The following CREBBP variants were observed in gnomAD, a reference collection of about 807,000 sequenced individuals.
CREBBP encodes CREB-binding protein.
CREBBP carries 19 observed loss-of-function variants against 265.0 expected under a neutral mutation model. That is an observed-to-expected ratio of 0.07 (90% CI 0.05 to 0.11). The LOEUF (loss-of-function observed/expected upper bound fraction) is 0.11, where lower values mean the gene tolerates loss of function less well. CREBBP is among the 10% of genes least tolerant of loss of function. CREBBP has a pLI of 1.00. For synonymous variants in CREBBP, 1,457 were observed against 1,223.7 expected, an observed-to-expected ratio of 1.19 and a Z score of -3.98; for missense variants, 2,525 against 3,219.0, an observed-to-expected ratio of 0.78 and a Z score of 5.22.
rs541938737 is a variant in CREBBP at position 3,778,895 on chromosome 16, G to A, written c.1824-78C>T. The A allele has an allele frequency of 2.1e-5, 26 of 1,228,996 alleles. 1 individual carries two copies. The highest frequency in any genetic ancestry group is 1.4e-4 in the South Asian group (12 of 83,100). 76.1% of individuals were successfully genotyped at this position (1,228,996 alleles called of 1,614,324 possible). A position where few individuals can be genotyped will look rare whatever the true frequency, so the allele number is the denominator to read the frequency against. On this transcript the variant is annotated intron_variant, in intron 8 of 30. Coordinates refer to ENST00000262367, the MANE Select transcript of CREBBP (RefSeq NM_004380.3). ...AAGACATGGGGTTTCGTCCAGGCGC[G>A]GTGGCTCACGCTTGTAATCCCAGCA...
At chr16:3,762,121 A>T (rs2052733579) in intron 16 of CREBBP, among the ~76,000 whole-genome samples, 2 of 152,148 alleles carry the variant, frequency 1.3e-5, no homozygotes, top group Admixed American at 1.3e-4. Context: ...TTTATATAGG[A>T]TCTGTAGCTG....
intron 23 of CREBBP, chr16:3,741,249 T>C (rs1484651885): frequency 6.4e-6 from 1 of 157,336 alleles, no homozygotes; most frequent in Admixed American, 6.0e-5. Context: ...ACGCCTCATA[T>C]ACAGGTTAAA....
At chr16:3,869,794 C>G (rs1291871769) in intron 1 of CREBBP, among the ~76,000 whole-genome samples, 2 of 152,168 alleles carry the variant, frequency 1.3e-5, no homozygotes, top group Non-Finnish European at 2.9e-5. Context: ...AAGGAAACAT[C>G]TCAATTCACC....
At chr16:3,827,539 C>G (rs1377101776) in intron 2 of CREBBP, among the ~76,000 whole-genome samples, 3 of 151,708 alleles carry the variant, frequency 2.0e-5, no homozygotes, top group Non-Finnish European at 4.4e-5. Context: ...CTACAGGCGC[C>G]CGCCACCACG....
intron 2 of CREBBP, among the ~76,000 whole-genome samples, chr16:3,827,061 T>G (rs2054251096): frequency 6.6e-6 from 1 of 152,174 alleles, no homozygotes; most frequent in Admixed American, 6.5e-5. Context: ...AAGTTGAGGC[T>G]TGAGGATCGC....
In CREBBP at chr16:3,729,254, G is replaced by C. The variant is rs1437916275; in HGVS notation, c.5793C>G (p.Thr1931=). The change falls in exon 31 of 31, where the codon ACC becomes ACG. Residue 1931 remains threonine, a synonymous_variant. Coordinates refer to ENST00000262367, the MANE Select transcript of CREBBP (RefSeq NM_004380.3). ...TGGTAGGCTTCCCTGTGGACACCGTGGTGGGGGGCTGAGTCCGGGCCACGC... is the reference window on the plus strand; with the variant it reads ...TGGTAGGCTTCCCTGTGGACACCGTCGTGGGGGGCTGAGTCCGGGCCACGC... The part of the protein sequence containing the change: ...FPSVARTQPP[T]TVSTGKPTSQ... The C allele has an allele frequency of 6.5e-7, 1 of 1,529,154 alleles. No individual in the cohort carries two copies. Among genetic ancestry groups the C allele is most frequent in the Non-Finnish European group, 8.8e-7 (1 of 1,142,776 alleles). The allele number at this position is 1,529,154 out of a possible 1,614,324, so 94.7% of individuals were successfully genotyped here. A position where few individuals can be genotyped will look rare whatever the true frequency, so the allele number is the denominator to read the frequency against.
intron 3 of CREBBP, among the ~76,000 whole-genome samples, chr16:3,804,685 C>T (rs2053793659): frequency 6.6e-6 from 1 of 152,228 alleles, no homozygotes; most frequent in Non-Finnish European, 1.5e-5. Flanking sequence ...GAAATGCCTG[C>T]TATCCTCATT....
At chr16:3,863,931 G>A (rs1334497256) in intron 1 of CREBBP, among the ~76,000 whole-genome samples, 1 of 152,186 alleles carries the variant, frequency 6.6e-6, no homozygotes, top group African/African-American at 2.4e-5. Flanking sequence ...AAAACGGGTT[G>A]TTTACCACCA....
chr16:3,768,390 A>C (rs997218048), intron 15 of CREBBP, among the ~76,000 whole-genome samples: 3 of 151,656 alleles, frequency 2.0e-5, no homozygotes, highest in Admixed American at 6.6e-5. Flanking sequence ...CAAGTGATCC[A>C]CCTGCCTCGG....
At position 3,822,912 on chromosome 16, in the gene CREBBP, C is replaced by T. The variant is rs141100575; in HGVS notation, c.799-12133G>A. Among the ~76,000 whole-genome samples the T allele has an allele frequency of 3.3e-3, 500 of 152,138 alleles. 1 individual carries two copies. The highest frequency in any genetic ancestry group is 0.012 in the African/African-American group (486 of 41,498). ...CCGCTGCAGTCTCTGTGCCTTGTTT[C>T]GAGAGAATACACAGGAAGCGCCTAG... is the stretch of plus-strand genomic sequence containing the variant. On this transcript the variant is annotated intron_variant, in intron 2 of 30. Transcript: ENST00000262367.
In CREBBP at chr16:3,745,300, G is replaced by A. The variant is rs2151355460; in HGVS notation, c.3891C>T (p.His1297=). ...GRKMHQICVL[H]YDIIWPSGFV... ...ACCCTGAAGGCCAAATGATGTCATA[G>A]TGCAGAACGCAAATCTGATGCATCT... Residue 1297 remains histidine (H), a synonymous_variant, in exon 22 of 31, where the codon CAC becomes CAT. Transcript: ENST00000262367. The A allele has an allele frequency of 3.7e-6, 6 of 1,614,048 alleles. No homozygotes were observed. Among genetic ancestry groups the A allele is most frequent in the Non-Finnish European group, 2.5e-6 (3 of 1,179,946 alleles).
intron 3 of CREBBP, among the ~76,000 whole-genome samples, chr16:3,798,476 T>C (rs1277761191): frequency 6.6e-6 from 1 of 152,152 alleles, no homozygotes; most frequent in Admixed American, 6.5e-5. Flanking sequence ...TACAACTCAG[T>C]AATAAAAAGA....
At chr16:3,772,228 T>C (rs1456291310) in intron 13 of CREBBP, among the ~76,000 whole-genome samples, 1 of 150,298 alleles carries the variant, frequency 6.7e-6, no homozygotes, top group Non-Finnish European at 1.5e-5. Context: ...ATAAAATAAA[T>C]AAATAAAAAT....
intron 19 of CREBBP, among the ~76,000 whole-genome samples, chr16:3,752,374 G>T (rs1221368425): frequency 6.6e-6 from 1 of 151,720 alleles, no homozygotes; most frequent in Non-Finnish European, 1.5e-5. Flanking sequence ...CAGCAATTCA[G>T]AGATTTTATT....
intron 20 of CREBBP, among the ~76,000 whole-genome samples, chr16:3,750,852 T>TA (rs2052456447): frequency 6.6e-6 from 1 of 152,146 alleles, no homozygotes; most frequent in South Asian, 2.1e-4. Flanking sequence ...GGAGATAAAC[T>TA]AAATGTAAAG....
intron 5 of CREBBP, among the ~76,000 whole-genome samples, chr16:3,787,865 G>A (rs77650155): frequency 2.6e-5 from 4 of 152,102 alleles, no homozygotes; most frequent in African/African-American, 9.7e-5. Context: ...TAGTAGAGAC[G>A]GGGTTTCACT....
At chr16:3,854,677 G>A (rs920538891) in intron 1 of CREBBP, among the ~76,000 whole-genome samples, 1 of 152,156 alleles carries the variant, frequency 6.6e-6, no homozygotes, top group Non-Finnish European at 1.5e-5. Flanking sequence ...GCTGGCACAG[G>A]CATTGGGAAT....
At position 3,733,308 on chromosome 16, in the gene CREBBP, G is replaced by A. The variant is rs536212382; in HGVS notation, c.4729-1371C>T. On this transcript the variant is annotated intron_variant, in intron 28 of 30. Coordinates refer to ENST00000262367, the MANE Select transcript of CREBBP (RefSeq NM_004380.3). The stretch of plus-strand genomic sequence containing the variant: ...ACCCGGGAGGCGGAGCTTGCAGTGA[G>A]CTGAGATGGCGCCACTGCACTCCAG... Among the ~76,000 whole-genome samples, 357 of 150,004 alleles carry A rather than the reference G, an allele frequency of 2.4e-3. 1 individual carries two copies. The highest frequency in any genetic ancestry group is 8.3e-3 in the African/African-American group (336 of 40,500).
chr16:3,818,269 A>G lies in CREBBP; in HGVS notation c.799-7490T>C, dbSNP rs531197144. On this transcript the variant is annotated intron_variant, in intron 2 of 30. Coordinates refer to ENST00000262367, the MANE Select transcript of CREBBP (RefSeq NM_004380.3). ...CAGGCCATCAGAAACTCTCAGTGCA[A>G]CAAGTGCCGAGTTTGATGTTTAGGT... Among the ~76,000 whole-genome samples, 293 of 151,746 alleles carry G rather than the reference A, an allele frequency of 1.9e-3. 2 individuals carry two copies. The highest frequency in any genetic ancestry group is 6.7e-3 in the African/African-American group (279 of 41,408).
Sources: allele counts gnomAD v4.1 joint callset (sites outside exome capture counted in the v4.1 genomes callset), GRCh38; gene constraint gnomAD v4.1.1; transcripts MANE v1.5; gene names NCBI Gene and HGNC (gene_info 2026-07-23, HGNC 2026-07-21).